The following STUM variants were observed in gnomAD, a reference collection of about 807,000 sequenced individuals.
The protein encoded by STUM is protein stum homolog.
STUM carries 8 observed loss-of-function variants against 15.3 expected under a neutral mutation model. That is an observed-to-expected ratio of 0.52 (90% confidence interval 0.31 to 0.94). STUM has a LOEUF of 0.94. STUM is among the 40% of genes least tolerant of loss of function. The pLI, the probability that STUM is intolerant of heterozygous loss-of-function variation, is 0.05. For synonymous variants in STUM, 78 were observed against 88.7 expected (o/e 0.88, Z 0.68); for missense variants, 142 against 204.9 (o/e 0.69, Z 1.87).
chr1:226,586,613 AG>A (rs1247385205), intron 1 of STUM, among the ~76,000 whole-genome samples: 1 of 152,068 alleles, frequency 6.6e-6, no homozygotes, highest in African/African-American at 2.4e-5. Flanking sequence ...ATCATGTTGT[AG>A]GCTCTCACTG....
chr1:226,568,742 G>C (rs780480713), intron 1 of STUM, among the ~76,000 whole-genome samples: 4 of 152,230 alleles, frequency 2.6e-5, no homozygotes, highest in Non-Finnish European at 5.9e-5. Flanking sequence ...TTTGAAAGGA[G>C]GCCCAAGGCA....
At chr1:226,588,084 G>T (rs912316224) in intron 1 of STUM, among the ~76,000 whole-genome samples, 3 of 152,198 alleles carry the variant, frequency 2.0e-5, no homozygotes, top group Admixed American at 6.5e-5. Flanking sequence ...TGTTCAGGAT[G>T]ATGAGGATGC....
In STUM at chr1:226,600,549, A is replaced by G. The variant is rs1668247495; in HGVS notation, c.383-117A>G. 2 of 1,284,008 alleles carry G rather than the reference A, an allele frequency of 1.6e-6. No individual in the cohort carries two copies. Among genetic ancestry groups the G allele is most frequent in the Non-Finnish European group, 1.1e-6 (1 of 894,378 alleles). 79.5% of individuals were successfully genotyped at this position (1,284,008 alleles called of 1,614,324 possible). The stretch of plus-strand genomic sequence containing the variant: ...CCTGTCCCATCTCCCAGGCCTCACC[A>G]TGGATCTGCTTTGTTTCCTGTGCCA... On this transcript the variant is annotated intron_variant, in intron 2 of 3. Coordinates refer to ENST00000366788, the MANE Select transcript of STUM (RefSeq NM_001003665.4). This position sits in a 1 kb window ranked among gnomAD's most constrained non-coding sequence, Gnocchi z 5.2.
intron 1 of STUM, among the ~76,000 whole-genome samples, chr1:226,582,322 G>A (rs1454841110): frequency 1.3e-5 from 2 of 152,256 alleles, no homozygotes; most frequent in Non-Finnish European, 2.9e-5. Context: ...GCTGGGCGCA[G>A]TGGCTCATGC....
In STUM at chr1:226,602,025, C is replaced by CA; in HGVS notation, c.411_412insA (p.Pro138ThrfsTer19). The CA allele has an allele frequency of 6.2e-7, 1 of 1,608,448 alleles. No homozygotes were observed. Reference sequence around the variant, plus strand: ...TCACAGGCTACAAGGAGCAGGGCATCCCACAGCAGCTGTGAGCCCACGGGA... The same window carrying CA: ...TCACAGGCTACAAGGAGCAGGGCATCACCACAGCAGCTGTGAGCCCACGGGA... On this transcript the variant is annotated frameshift_variant, in exon 4 of 4. Transcript: ENST00000366788. LOFTEE classifies it high-confidence loss of function.
At position 226,549,465 on chromosome 1, in the gene STUM, T is replaced by A. The variant is rs4653750; in HGVS notation, c.202+359T>A. Among the ~76,000 whole-genome samples, 48,352 of 152,088 alleles carry A rather than the reference T, an allele frequency of 0.32. 9,414 individuals carry two copies. The highest frequency in any genetic ancestry group is 0.46 in the Admixed American group (7,048 of 15,284). ...TCCTTCTCTCCGTCGTGTGCATCCGTCCGCGAGCCCACTTCCCCGAGAGGA... is the reference window on the plus strand; with the variant it reads ...TCCTTCTCTCCGTCGTGTGCATCCGACCGCGAGCCCACTTCCCCGAGAGGA... On this transcript the variant is annotated intron_variant, in intron 1 of 3. Transcript: ENST00000366788. This position sits in a 1 kb window ranked among gnomAD's most constrained non-coding sequence, Gnocchi z 6.8.
At chr1:226,561,628 T>G (rs543557149) in intron 1 of STUM, among the ~76,000 whole-genome samples, 4 of 152,284 alleles carry the variant, frequency 2.6e-5, no homozygotes, top group East Asian at 1.9e-4. Context: ...CTGTGAACTT[T>G]CCAGTTGTGT....
At chr1:226,601,191 A>G (rs529702338) in intron 3 of STUM, among the ~76,000 whole-genome samples, 133 of 152,110 alleles carry the variant, frequency 8.7e-4, no homozygotes, top group African/African-American at 2.9e-3. Context: ...CAGTGGCGCA[A>G]TCTCGGCTCA....
At chr1:226,556,029 T>C (rs1667440248) in intron 1 of STUM, among the ~76,000 whole-genome samples, 1 of 152,184 alleles carries the variant, frequency 6.6e-6, no homozygotes, top group African/African-American at 2.4e-5. Flanking sequence ...GCATAGTAAG[T>C]TTTCAAATCC....
chr1:226,591,445 C>A (rs998409661), intron 1 of STUM, among the ~76,000 whole-genome samples: 1 of 152,242 alleles, frequency 6.6e-6, no homozygotes, highest in Non-Finnish European at 1.5e-5. Context: ...AAGGTTGTCT[C>A]CTCCTTTAAA....
At position 226,607,498 on chromosome 1, in the gene STUM, T is replaced by A. The variant is rs1250543922; in HGVS notation, c.*5458T>A. The A allele has an allele frequency of 6.6e-6, 1 of 152,282 alleles. No homozygotes were observed. The highest frequency in any genetic ancestry group is 1.9e-4 in the East Asian group (1 of 5,184). 9.4% of individuals were successfully genotyped at this position (152,282 alleles called of 1,614,324 possible). A position where few individuals can be genotyped will look rare whatever the true frequency, so the allele number is the denominator to read the frequency against. On this transcript the variant is annotated 3_prime_UTR_variant, in exon 4 of 4. Transcript: ENST00000366788. Reference sequence around the variant, plus strand: ...TAGGCAGCCATCGTTTCCCCATTTCTGTCAGAGCCAAGGGCTTGGAGGCCC... The same window carrying A: ...TAGGCAGCCATCGTTTCCCCATTTCAGTCAGAGCCAAGGGCTTGGAGGCCC...
chr1:226,551,622 C>T (rs146584735), intron 1 of STUM, among the ~76,000 whole-genome samples: 3 of 152,370 alleles, frequency 2.0e-5, no homozygotes, highest in Non-Finnish European at 4.4e-5. Context: ...GCTGATTCTG[C>T]TCTTTGATGA....
rs1226727227 is a variant in STUM, at chr1:226,552,069, G to A, written c.202+2963G>A. ...GAGAGGGCAGTTTTTGCTGAATGAA[G>A]GCTCGTTTTTTATTTTTATTTTTTC... On this transcript the variant is annotated intron_variant, in intron 1 of 3. Coordinates refer to ENST00000366788, the MANE Select transcript of STUM (RefSeq NM_001003665.4). The surrounding 1 kb of genome is among the most constrained non-coding windows in gnomAD (Gnocchi z 4.7). 6.6e-6 allele frequency among the ~76,000 whole-genome samples: 1 copy of A among 152,128 alleles called. No individual in the cohort carries two copies. Among genetic ancestry groups the A allele is most frequent in the Non-Finnish European group, 1.5e-5 (1 of 68,030 alleles).
In STUM at chr1:226,597,090, G is replaced by A. The variant is rs962613447; in HGVS notation, c.382+109G>A. 1.4e-5 allele frequency: 15 copies of A among 1,077,916 alleles called. No individual in the cohort carries two copies. In the African/African-American group the frequency reaches 1.4e-4, roughly 10 times the overall value. 66.8% of individuals were successfully genotyped at this position (1,077,916 alleles called of 1,614,324 possible). ...GAGGTCCTGCTCACCCGCTAAGCACGGGCTCTGGAGAGGGCTTGCCCGTGT... is the reference window on the plus strand; with the variant it reads ...GAGGTCCTGCTCACCCGCTAAGCACAGGCTCTGGAGAGGGCTTGCCCGTGT... On this transcript the variant is annotated intron_variant, in intron 2 of 3. Coordinates refer to ENST00000366788, the MANE Select transcript of STUM (RefSeq NM_001003665.4).
Position 226,602,206 on chromosome 1 carries a change from C to G in STUM, c.*166C>G. ...TTATTTTGAAAACGCATCTGCTTTT[C>G]TCAGCAGGTTGTGAGGGCTGCCAGC... is the stretch of plus-strand genomic sequence containing the variant. On this transcript the variant is annotated 3_prime_UTR_variant, in exon 4 of 4. Coordinates refer to ENST00000366788, the MANE Select transcript of STUM (RefSeq NM_001003665.4). 1.6e-6 allele frequency: 1 copy of G among 608,836 alleles called. No individual in the cohort carries two copies. The highest frequency in any genetic ancestry group is 2.9e-6 in the Non-Finnish European group (1 of 345,916). 37.7% of individuals were successfully genotyped at this position (608,836 alleles called of 1,614,324 possible). A position where few individuals can be genotyped will look rare whatever the true frequency, so the allele number is the denominator to read the frequency against.
At chr1:226,576,515 C>T (rs1354882561) in intron 1 of STUM, among the ~76,000 whole-genome samples, 2 of 152,174 alleles carry the variant, frequency 1.3e-5, no homozygotes, top group East Asian at 3.8e-4. Context: ...GCCAAGGTTG[C>T]CAATGACTAG....
intron 1 of STUM, among the ~76,000 whole-genome samples, chr1:226,586,498 A>T (rs1571808597): frequency 1.3e-5 from 2 of 152,062 alleles, no homozygotes; most frequent in East Asian, 3.9e-4. Context: ...CTCATGTCTC[A>T]TGTCTTAGCC....
At chr1:226,570,939 C>T (rs1667699484) in intron 1 of STUM, among the ~76,000 whole-genome samples, 2 of 152,010 alleles carry the variant, frequency 1.3e-5, no homozygotes, top group South Asian at 4.2e-4. Flanking sequence ...TTTTTAAAAG[C>T]AAATTTGTAG....
At chr1:226,560,437 C>A (rs944748028) in intron 1 of STUM, among the ~76,000 whole-genome samples, 1 of 152,212 alleles carries the variant, frequency 6.6e-6, no homozygotes, top group Admixed American at 6.5e-5. Context: ...AAGACGCGAG[C>A]AGCCTCCAGG....
Sources: allele counts gnomAD v4.1 joint callset (sites outside exome capture counted in the v4.1 genomes callset), GRCh38; gene constraint gnomAD v4.1.1; non-coding constraint Gnocchi (gnomAD v3.1); transcripts MANE v1.5; gene names NCBI Gene and HGNC (gene_info 2026-07-23, HGNC 2026-07-21).